Variants in ZNF428 observed in about 807,000 individuals in gnomAD.
ZNF428 encodes zinc finger protein 428.
ZNF428 carries 5 observed loss-of-function variants against 15.6 expected under a neutral mutation model. The ratio of observed to expected loss-of-function variants is 0.32; its 90% CI spans 0.17 to 0.67. ZNF428 has a LOEUF of 0.67. ZNF428 is among the 30% of genes least tolerant of loss of function. ZNF428 has a pLI of 0.73. For synonymous variants in ZNF428, 97 were observed against 102.2 expected (o/e 0.95, Z 0.31); for missense variants, 237 against 256.0 (o/e 0.93, Z 0.51).
chr19:43,612,813 G>C lies in ZNF428; in HGVS notation c.76+1416C>G, dbSNP rs1182219316. On this transcript the variant is annotated intron_variant, in intron 2 of 2. Coordinates refer to ENST00000300811, the MANE Select transcript of ZNF428 (RefSeq NM_182498.4). This position sits in a 1 kb window ranked among gnomAD's most constrained non-coding sequence, Gnocchi z 4.2. ...ACTGGAATTCCCTCCAAGGAGAAGA[G>C]TGACAACCCATCTCCATCCTCATCA... 1.3e-6 allele frequency: 2 copies of C among 1,551,560 alleles called. No individual in the cohort carries two copies. The highest frequency in any genetic ancestry group is 1.7e-6 in the Non-Finnish European group (2 of 1,146,946).
chr19:43,608,586 G>T (rs1247213015), intron 2 of ZNF428: 1 of 154,616 alleles, frequency 6.5e-6, no homozygotes, highest in Non-Finnish European at 1.4e-5. Context: ...AGCCATGATT[G>T]CGCCACTCCC....
At chr19:43,619,020 G>A (rs900822280) in intron 1 of ZNF428, among the ~76,000 whole-genome samples, 1 of 152,090 alleles carries the variant, frequency 6.6e-6, no homozygotes, top group Non-Finnish European at 1.5e-5. Context: ...ACACAGTGCT[G>A]GAGACCCCAC....
In ZNF428 at chr19:43,607,811, C is replaced by T; in HGVS notation, c.373G>A (p.Ala125Thr). Residue 125 changes from alanine to threonine, a missense_variant, in exon 3 of 3, where the codon GCC becomes ACC. Coordinates refer to ENST00000300811, the MANE Select transcript of ZNF428 (RefSeq NM_182498.4). This position sits in a 1 kb window ranked among gnomAD's most constrained non-coding sequence, Gnocchi z 5.1. ...TCCCCGAGGGCCCTGCCTTCAGGGG[C>T]TGGTGCTTCCTGGGGGGCTGTAGCA... ...CPATAPQEAPAPEGRALGEEE... is the reference protein window; with the variant it reads ...CPATAPQEAPTPEGRALGEEE... 1.3e-6 allele frequency: 2 copies of T among 1,570,346 alleles called. No homozygotes were observed. Among genetic ancestry groups the T allele is most frequent in the Non-Finnish European group, 1.7e-6 (2 of 1,157,714 alleles).
At chr19:43,613,924 G>A (rs1265516625) in intron 2 of ZNF428, 4 of 1,551,536 alleles carry the variant, frequency 2.6e-6, no homozygotes, top group African/African-American at 1.4e-5. Flanking sequence ...GCCCCAATAA[G>A]CAGAGTGGTT....
rs1424803734 is a variant in ZNF428, at chr19:43,612,898, C to G, written c.76+1331G>C. 2 of 1,551,652 alleles carry G rather than the reference C, an allele frequency of 1.3e-6. No individual in the cohort carries two copies. The highest frequency in any genetic ancestry group is 1.7e-6 in the Non-Finnish European group (2 of 1,146,988). On this transcript the variant is annotated intron_variant, in intron 2 of 2. Coordinates refer to ENST00000300811, the MANE Select transcript of ZNF428 (RefSeq NM_182498.4). The surrounding 1 kb of genome is among the most constrained non-coding windows in gnomAD (Gnocchi z 4.2). ...CCAGTAGGGAAAAGAGTTACAGCCCCACTGAAATGTCCAGCAGGGTCAAGA... is the reference window on the plus strand; with the variant it reads ...CCAGTAGGGAAAAGAGTTACAGCCCGACTGAAATGTCCAGCAGGGTCAAGA...
In ZNF428 at chr19:43,612,913, CA is replaced by C. The variant is rs766227739; in HGVS notation, c.76+1315del. On this transcript the variant is annotated intron_variant, in intron 2 of 2. Coordinates refer to ENST00000300811, the MANE Select transcript of ZNF428 (RefSeq NM_182498.4). The surrounding 1 kb of genome is among the most constrained non-coding windows in gnomAD (Gnocchi z 4.2). ...GTTACAGCCCCACTGAAATGTCCAG[CA>C]GGGTCAAGAGTTATAACCAGGCCAG... The C allele has an allele frequency of 6.4e-7, 1 of 1,551,720 alleles. No homozygotes were observed. The highest frequency in any genetic ancestry group is 1.2e-5 in the South Asian group (1 of 84,054).
chr19:43,614,040 A>G, intron 2 of ZNF428, 189 bp downstream of exon 2: 1 of 1,552,206 alleles, frequency 6.4e-7, no homozygotes, highest in Admixed American at 2.0e-5. Flanking sequence ...AAGGAGAGCG[A>G]CCCCAGTCAA....
In ZNF428 at chr19:43,614,222, A is replaced by T. The variant is rs747232045; in HGVS notation, c.76+7T>A. 4 of 1,614,134 alleles carry T rather than the reference A, an allele frequency of 2.5e-6. No homozygotes were observed. The East Asian group carries it at 8.9e-5, about 36-fold the overall frequency. ...AGCCGACGCCACCACCTCTAAGGCC[A>T]CCTTACCTGGGGAAAGGTCTTCATC... On this transcript the variant is annotated splice_region_variant and intron_variant, in intron 2 of 2. Transcript: ENST00000300811.
At chr19:43,609,599 G>T (rs181679294) in intron 2 of ZNF428, among the ~76,000 whole-genome samples, 1 of 152,050 alleles carries the variant, frequency 6.6e-6, no homozygotes, top group Non-Finnish European at 1.5e-5. Context: ...ATTTAGCCAA[G>T]TGTGGGGTGG....
chr19:43,613,107 A>C (rs1263084688), intron 2 of ZNF428: 4 of 1,551,550 alleles, frequency 2.6e-6, no homozygotes, highest in South Asian at 1.2e-5. Context: ...ATGGGAAGAC[A>C]CAGCCAGTCT....
At chr19:43,613,137 A>G (rs376423743) in intron 2 of ZNF428, 1 of 1,551,544 alleles carries the variant, frequency 6.4e-7, no homozygotes, top group Non-Finnish European at 8.7e-7. Flanking sequence ...AGCAAGGGGA[A>G]AAGTCAAAAC....
chr19:43,619,487 T>C (rs1026615668), intron 1 of ZNF428, 71 bp downstream of exon 1: 9 of 152,276 alleles, frequency 5.9e-5, no homozygotes, highest in African/African-American at 1.9e-4. Context: ...GAGTCGTCGC[T>C]CCCATCATGC....
intron 1 of ZNF428, among the ~76,000 whole-genome samples, chr19:43,618,822 C>T (rs557162740): frequency 4.6e-5 from 7 of 152,078 alleles, no homozygotes; most frequent in Non-Finnish European, 1.0e-4. Flanking sequence ...TTTTATACGG[C>T]AACCACACAC....
At position 43,612,564 on chromosome 19, in the gene ZNF428, A is replaced by G; in HGVS notation, c.76+1665T>C. ...AGCACTCCTGGCAGGATAAGAACTC[A>G]TGGTGCCAGACCAGGCATGGCCAGC... On this transcript the variant is annotated intron_variant, in intron 2 of 2. Coordinates refer to ENST00000300811, the MANE Select transcript of ZNF428 (RefSeq NM_182498.4). The surrounding 1 kb of genome is among the most constrained non-coding windows in gnomAD (Gnocchi z 4.2). The G allele has an allele frequency of 1.3e-6, 2 of 1,551,132 alleles. No individual in the cohort carries two copies. The highest frequency in any genetic ancestry group is 1.7e-6 in the Non-Finnish European group (2 of 1,146,604).
intron 1 of ZNF428, among the ~76,000 whole-genome samples, chr19:43,619,237 C>T (rs892119115): frequency 1.3e-5 from 2 of 152,208 alleles, no homozygotes; most frequent in African/African-American, 4.8e-5. Flanking sequence ...TGTGGAAGCG[C>T]TCCAAGCCTC....
intron 2 of ZNF428, 126 bp from the exon 3 acceptor site, chr19:43,608,233 C>A: frequency 1.6e-6 from 2 of 1,289,376 alleles, no homozygotes; most frequent in South Asian, 1.4e-5. Flanking sequence ...AGACACTACC[C>A]TTCCCTTCCC....
At chr19:43,615,199 CT>C (rs1435141880) in intron 1 of ZNF428, among the ~76,000 whole-genome samples, 1 of 152,066 alleles carries the variant, frequency 6.6e-6, no homozygotes, top group Admixed American at 6.6e-5. Flanking sequence ...ATGTGTGGGG[CT>C]TTTTCCCCAC....
chr19:43,609,368 G>GAGAGAGAGAAAGAGAGAA (rs1973272458), intron 2 of ZNF428, among the ~76,000 whole-genome samples: 1 of 151,916 alleles, frequency 6.6e-6, no homozygotes, highest in Non-Finnish European at 1.5e-5. Context: ...TGGAGAGAGA[G>GAGAGAGAGAAAGAGAGAA]AGAGAGAGAG....
intron 1 of ZNF428, among the ~76,000 whole-genome samples, chr19:43,618,143 T>C (rs1301100220): frequency 6.8e-6 from 1 of 146,734 alleles, no homozygotes; most frequent in Non-Finnish European, 1.5e-5. Context: ...CACGCCATTC[T>C]CCTGCCTCAG....
Sources: gnomAD v4.1 joint callset for allele counts (sites outside exome capture counted in the v4.1 genomes callset) on GRCh38, gnomAD v4.1.1 for gene constraint, Gnocchi (gnomAD v3.1) non-coding constraint, MANE v1.5 for transcripts, NCBI Gene and HGNC (gene_info 2026-07-23, HGNC 2026-07-21) for gene names.